DNAI3: variants seen among roughly 807,000 people sequenced by gnomAD.
The protein encoded by DNAI3 is WD repeat domain 63.
A neutral mutation model predicts 115.5 loss-of-function variants in DNAI3; 83 were observed. That is an observed-to-expected ratio of 0.72 (90% confidence interval 0.60 to 0.86). The LOEUF (loss-of-function observed/expected upper bound fraction) is 0.86. Among genes scored for constraint, DNAI3 ranks in the 40% least tolerant of loss-of-function variants. The pLI is 0.00. For synonymous variants in DNAI3, 320 were observed against 347.0 expected (o/e 0.92, Z 0.86); for missense variants, 1,004 against 1,075.8 (o/e 0.93, Z 0.93).
intron 18 of DNAI3, among the ~76,000 whole-genome samples, chr1:85,122,024 C>T (rs982169310): frequency 2.0e-5 from 3 of 152,184 alleles, no homozygotes; most frequent in South Asian, 2.1e-4. Flanking sequence ...TTAGATCCTA[C>T]GCCAGGCCTT....
At chr1:85,124,019 A>G in intron 18 of DNAI3, 102 bp from the exon 19 acceptor site, 1 of 1,500,818 alleles carries the variant, frequency 6.7e-7, no homozygotes, top group South Asian at 1.2e-5. Flanking sequence ...CCCCGACCCC[A>G]TTCATGGGGC....
intron 13 of DNAI3, among the ~76,000 whole-genome samples, chr1:85,100,284 C>T (rs1158956443): frequency 6.6e-6 from 1 of 152,086 alleles, no homozygotes; most frequent in East Asian, 1.9e-4. Flanking sequence ...AAGAAAAAAA[C>T]AAACAACCCC....
intron 15 of DNAI3, among the ~76,000 whole-genome samples, 161 bp from the exon 16 acceptor site, chr1:85,109,886 TG>T (rs1169811287): frequency 3.3e-5 from 5 of 151,160 alleles, no homozygotes; most frequent in African/African-American, 9.8e-5. Flanking sequence ...GTGCTTTCCA[TG>T]GAGGAAAGAA....
chr1:85,096,454 G>A (rs1055796325), intron 11 of DNAI3, among the ~76,000 whole-genome samples: 1 of 148,326 alleles, frequency 6.7e-6, no homozygotes, highest in African/African-American at 2.5e-5. Context: ...GCAGATATAT[G>A]TGTGTATATA....
chr1:85,091,291 A>C (rs1440030240), intron 8 of DNAI3, among the ~76,000 whole-genome samples: 1 of 152,244 alleles, frequency 6.6e-6, no homozygotes, highest in Non-Finnish European at 1.5e-5. Context: ...AGGGAATAAA[A>C]AAATGTTCAA....
Position 85,084,772 on chromosome 1 carries a change from G to A in DNAI3, c.540+77G>A, listed in dbSNP as rs546429142. The A allele has an allele frequency of 4.4e-4, 561 of 1,274,758 alleles. 1 individual carries two copies. The African/African-American group carries it at 7.8e-3, about 18-fold the overall frequency. 79.0% of individuals were successfully genotyped at this position (1,274,758 alleles called of 1,614,324 possible). A position where few individuals can be genotyped will look rare whatever the true frequency, so the allele number is the denominator to read the frequency against. On this transcript the variant is annotated intron_variant, in intron 6 of 22. Coordinates refer to ENST00000294664, the MANE Select transcript of DNAI3 (RefSeq NM_145172.5). ...CACTTATTCCTGAGGGATTCATAAG[G>A]TTTACTGTGTTTGCTATGGAGGCAT... is the stretch of plus-strand genomic sequence containing the variant.
At chr1:85,094,758 A>G (rs1655077950) in intron 10 of DNAI3, among the ~76,000 whole-genome samples, 2 of 152,246 alleles carry the variant, frequency 1.3e-5, no homozygotes, top group South Asian at 2.1e-4. Flanking sequence ...ACAAATCAAC[A>G]TGCTATTTTT....
intron 16 of DNAI3, among the ~76,000 whole-genome samples, chr1:85,114,716 T>C (rs976304549): frequency 2.0e-5 from 3 of 152,212 alleles, no homozygotes; most frequent in African/African-American, 7.2e-5. Flanking sequence ...TAGAATATAC[T>C]CATAAGGTTC....
At chr1:85,104,449 A>G (rs572645027) in intron 13 of DNAI3, 75 bp from the exon 14 acceptor site, 1 of 1,305,136 alleles carries the variant, frequency 7.7e-7, no homozygotes, top group Admixed American at 1.8e-5. Context: ...CATTTAAAAC[A>G]AAGAAGAAAA....
intron 3 of DNAI3, among the ~76,000 whole-genome samples, chr1:85,076,455 T>A (rs565816199): frequency 6.6e-6 from 1 of 152,322 alleles, no homozygotes; most frequent in Non-Finnish European, 1.5e-5. Context: ...AGTGCATTAG[T>A]CTGTTCACAT....
intron 7 of DNAI3, among the ~76,000 whole-genome samples, chr1:85,088,241 T>A (rs568056636): frequency 2.0e-5 from 3 of 152,064 alleles, no homozygotes; most frequent in Non-Finnish European, 2.9e-5. Context: ...GTAGACTCAG[T>A]AGGTAGACTC....
intron 1 of DNAI3, among the ~76,000 whole-genome samples, chr1:85,066,635 C>T (rs568827016): frequency 1.9e-4 from 29 of 151,960 alleles, no homozygotes; most frequent in African/African-American, 5.8e-4. Context: ...GCCTCTTCTG[C>T]GACTCTTAAT....
At chr1:85,132,714 C>G (rs1656375660) in intron 22 of DNAI3, 141 bp from the exon 23 acceptor site, 2 of 1,020,450 alleles carry the variant, frequency 2.0e-6, no homozygotes, top group Non-Finnish European at 2.8e-6. Flanking sequence ...CCCACCTGCC[C>G]TCCTGCCTTC....
At chr1:85,081,950 T>C (rs1027732164) in intron 4 of DNAI3, among the ~76,000 whole-genome samples, 3 of 152,220 alleles carry the variant, frequency 2.0e-5, no homozygotes, top group African/African-American at 7.2e-5. Flanking sequence ...CTTTGCCCAG[T>C]TTTAACTAGA....
At chr1:85,128,588 C>G (rs1571204937) in intron 20 of DNAI3, 120 bp from the exon 21 acceptor site, 1 of 723,582 alleles carries the variant, frequency 1.4e-6, no homozygotes, top group Non-Finnish European at 2.3e-6. Context: ...ATGCCAAGAT[C>G]ACTGGAACCA....
intron 3 of DNAI3, among the ~76,000 whole-genome samples, chr1:85,080,922 A>G (rs35999405): frequency 0.18 from 27,528 of 152,174 alleles, 2,641 homozygotes; most frequent in South Asian, 0.26. Flanking sequence ...ATAATGGTAA[A>G]TATTAAAAGC....
intron 22 of DNAI3, among the ~76,000 whole-genome samples, chr1:85,130,671 A>AGATAGATAGATAGATAGATAGAT (rs1656286365): frequency 9.6e-5 from 1 of 10,442 alleles, no homozygotes; most frequent in African/African-American, 4.7e-4. Context: ...GATAGATGAT[A>AGATAGATAGATAGATAGATAGAT]GATAGATAGA....
At chr1:85,115,958 T>G (rs894937386) in intron 16 of DNAI3, among the ~76,000 whole-genome samples, 1 of 152,186 alleles carries the variant, frequency 6.6e-6, no homozygotes, top group Non-Finnish European at 1.5e-5. Flanking sequence ...CTCTACCACA[T>G]TAAATGCTAT....
intron 1 of DNAI3, among the ~76,000 whole-genome samples, chr1:85,068,259 T>G (rs959221076): frequency 5.9e-5 from 9 of 152,276 alleles, no homozygotes; most frequent in African/African-American, 1.9e-4. Flanking sequence ...TCAGTTGAAC[T>G]CCTGAACTTC....
Sources: gnomAD v4.1 joint callset for allele counts (sites outside exome capture counted in the v4.1 genomes callset) on GRCh38, gnomAD v4.1.1 for gene constraint, MANE v1.5 for transcripts, NCBI Gene and HGNC (gene_info 2026-07-23, HGNC 2026-07-21) for gene names.